Variants in SAMD12 observed in about 807,000 individuals in gnomAD.
The protein encoded by SAMD12 is sterile alpha motif domain containing 12.
SAMD12 carries 9 observed loss-of-function variants against 15.0 expected under a neutral mutation model. That is an observed-to-expected ratio of 0.60 (90% confidence interval 0.36 to 1.05). The LOEUF is 1.05. Among genes scored for constraint, SAMD12 ranks in the 50% least tolerant of loss-of-function variants. SAMD12 has a pLI of 0.01. For missense variants in SAMD12, 230 were observed against 234.2 expected, an observed-to-expected ratio of 0.98 and a Z score of 0.12; for synonymous variants, 86 against 90.1, an observed-to-expected ratio of 0.96 and a Z score of 0.25.
chr8:118,267,846 T>A (rs1813244636), intron 4 of SAMD12, among the ~76,000 whole-genome samples: 1 of 152,114 alleles, frequency 6.6e-6, no homozygotes. Context: ...ATCCCAGCAC[T>A]TTGGGAGGCT....
chr8:118,176,926 T>C, the SAMD12 span, among the ~76,000 whole-genome samples: 9 of 152,290 alleles, frequency 5.9e-5, no homozygotes, highest in East Asian at 1.7e-3. Context: ...TCTGTTTGTG[T>C]GGGAAAGTGG....
At chr8:118,347,184 C>T (rs1817710074) in intron 4 of SAMD12, among the ~76,000 whole-genome samples, 1 of 148,038 alleles carries the variant, frequency 6.8e-6, no homozygotes, top group Non-Finnish European at 1.5e-5. Flanking sequence ...CTGCCTTGGC[C>T]TACCAAAGTG....
rs747097175 is a variant in SAMD12 at position 118,304,784 on chromosome 8, A to AT, written c.433+74775dup. ...CATAAATAAATAAATAAATAAATAA[A>AT]TAAATAAATAAATACACAAATAAAT... On this transcript the variant is annotated intron_variant, in intron 4 of 4. Coordinates refer to the SAMD12 transcript ENST00000409003. Among the ~76,000 whole-genome samples the AT allele has an allele frequency of 2.8e-3, 415 of 150,730 alleles. 1 individual carries two copies. The highest frequency in any genetic ancestry group is 5.0e-3 in the Non-Finnish European group (337 of 67,696).
chr8:118,220,422 T>C (rs1329226623), intron 4 of SAMD12, among the ~76,000 whole-genome samples: 1 of 152,246 alleles, frequency 6.6e-6, no homozygotes, highest in East Asian at 1.9e-4. Context: ...TGACAGTCTC[T>C]AAGAAATGAT....
At chr8:118,486,569 G>C (rs554072020) in intron 2 of SAMD12, among the ~76,000 whole-genome samples, 1 of 152,122 alleles carries the variant, frequency 6.6e-6, no homozygotes, top group African/African-American at 2.4e-5. Flanking sequence ...CAAGAAAACA[G>C]ATTCCTTCCA....
At chr8:118,201,121 C>CA (rs1399141033) in intron 4 of SAMD12, among the ~76,000 whole-genome samples, 1 of 152,160 alleles carries the variant, frequency 6.6e-6, no homozygotes, top group Non-Finnish European at 1.5e-5. Flanking sequence ...TACATGAGGT[C>CA]AAAATGCAAA....
At chr8:118,265,715 G>A (rs1483794580) in intron 4 of SAMD12, among the ~76,000 whole-genome samples, 1 of 151,648 alleles carries the variant, frequency 6.6e-6, no homozygotes, top group Non-Finnish European at 1.5e-5. Context: ...ATAGGCTCAT[G>A]GATACTTAAG....
chr8:118,581,263 T>A (rs1024463165), intron 1 of SAMD12, among the ~76,000 whole-genome samples: 2 of 152,152 alleles, frequency 1.3e-5, no homozygotes, highest in Admixed American at 1.3e-4. Flanking sequence ...TCTACCTCCA[T>A]CTGAAAAGTG....
At chr8:118,385,937 T>C (rs915328679) in intron 3 of SAMD12, among the ~76,000 whole-genome samples, 3 of 152,126 alleles carry the variant, frequency 2.0e-5, no homozygotes, top group African/African-American at 4.8e-5. Context: ...CAGAAACACA[T>C]GCCAATTGAA....
chr8:118,324,838 A>T lies in SAMD12; in HGVS notation c.433+54722T>A, dbSNP rs146041685. 5.1e-3 allele frequency among the ~76,000 whole-genome samples: 772 copies of T among 152,270 alleles called. 7 individuals are homozygous for T. Among genetic ancestry groups the T allele is most frequent in the South Asian group, 0.014 (69 of 4,826 alleles). ...AAGATGAGAATGGTGCAGTAAGCGGAGGTCATGTCACAGACAGTGATAAGC... is the reference window on the plus strand; with the variant it reads ...AAGATGAGAATGGTGCAGTAAGCGGTGGTCATGTCACAGACAGTGATAAGC... On this transcript the variant is annotated intron_variant, in intron 4 of 4. Coordinates refer to the SAMD12 transcript ENST00000409003.
chr8:118,386,356 C>T (rs772449185), intron 3 of SAMD12, among the ~76,000 whole-genome samples: 5 of 152,188 alleles, frequency 3.3e-5, no homozygotes, highest in African/African-American at 7.2e-5. Flanking sequence ...ACCTTCTCCT[C>T]TTGCGCGTGT....
intron 4 of SAMD12, among the ~76,000 whole-genome samples, chr8:118,236,603 A>G (rs1218855094): frequency 6.6e-6 from 1 of 152,226 alleles, no homozygotes; most frequent in Non-Finnish European, 1.5e-5. Context: ...GCTGGCTGGA[A>G]TTGTTCTGCA....
intron 2 of SAMD12, among the ~76,000 whole-genome samples, chr8:118,451,719 G>C (rs924064593): frequency 4.6e-5 from 7 of 152,128 alleles, no homozygotes; most frequent in Non-Finnish European, 1.0e-4. Flanking sequence ...GTAGGGATTT[G>C]GGGGCTTGGA....
intron 4 of SAMD12, among the ~76,000 whole-genome samples, chr8:118,239,121 G>C (rs879165535): frequency 6.6e-6 from 1 of 152,154 alleles, no homozygotes; most frequent in Non-Finnish European, 1.5e-5. Flanking sequence ...GATGATGGTA[G>C]TGGTGATGAT....
intron 2 of SAMD12, among the ~76,000 whole-genome samples, chr8:118,537,973 G>A (rs147546687): frequency 3.9e-5 from 6 of 152,260 alleles, no homozygotes; most frequent in Non-Finnish European, 7.4e-5. Context: ...GGACTTAGGT[G>A]TTGTGATCTA....
chr8:118,457,234 T>G (rs1331959327), intron 2 of SAMD12, among the ~76,000 whole-genome samples: 3 of 151,628 alleles, frequency 2.0e-5, no homozygotes, highest in Non-Finnish European at 4.4e-5. Flanking sequence ...TTTTTTTTTT[T>G]TTTGTTTGCT....
intron 4 of SAMD12, among the ~76,000 whole-genome samples, chr8:118,208,450 G>A (rs1474427559): frequency 5.9e-5 from 9 of 152,182 alleles, no homozygotes; most frequent in African/African-American, 1.9e-4. Flanking sequence ...CAAGTTGTCA[G>A]GTGATACCAG....
At chr8:118,588,470 A>T (rs368191358) in intron 1 of SAMD12, among the ~76,000 whole-genome samples, 2 of 152,212 alleles carry the variant, frequency 1.3e-5, no homozygotes, top group East Asian at 3.8e-4. Context: ...GGAAAAAAAC[A>T]TTTTATGACA....
intron 4 of SAMD12, among the ~76,000 whole-genome samples, chr8:118,248,661 C>T (rs1331152553): frequency 2.0e-5 from 3 of 151,668 alleles, no homozygotes; most frequent in East Asian, 1.9e-4. Context: ...AAGATGTACA[C>T]CCTCTTCTGA....
Sources: allele counts gnomAD v4.1 joint callset (sites outside exome capture counted in the v4.1 genomes callset), GRCh38; gene constraint gnomAD v4.1.1; transcripts MANE v1.5; gene names NCBI Gene and HGNC (gene_info 2026-07-23, HGNC 2026-07-21).